MROH2A: variants seen among roughly 807,000 people sequenced by gnomAD.
The protein encoded by MROH2A is maestro heat-like repeat-containing protein family member 2A.
A neutral mutation model predicts 200.4 loss-of-function variants in MROH2A; 174 were observed. That is an observed-to-expected ratio of 0.87 (90% CI 0.77 to 0.98). The LOEUF (loss-of-function observed/expected upper bound fraction) is 0.98, where lower values mean the gene tolerates loss of function less well. Ranked by LOEUF, MROH2A falls within the 50% of genes least tolerant of loss-of-function variation. MROH2A has a pLI of 0.00. For missense variants in MROH2A, 2,045 were observed against 2,139.6 expected (o/e 0.96, Z 0.87); for synonymous variants, 829 against 840.4 (o/e 0.99, Z 0.23).
chr2:233,799,987 C>T (rs1468656742), intron 13 of MROH2A, 88 bp downstream of exon 13: 1 of 1,495,904 alleles, frequency 6.7e-7, no homozygotes, highest in African/African-American at 1.4e-5. Flanking sequence ...CTCAGCGTAC[C>T]TGTGTTCAAA....
At chr2:233,798,643 G>A (rs1472963369) in intron 11 of MROH2A, 131 bp from the exon 12 acceptor site, 1 of 670,960 alleles carries the variant, frequency 1.5e-6, no homozygotes, top group East Asian at 2.7e-5. Context: ...TGGCCAGGGA[G>A]GCTCCTAAGA....
In MROH2A at chr2:233,807,306, A is replaced by G. The variant is rs1028742448; in HGVS notation, c.2053-117A>G. On this transcript the variant is annotated intron_variant, in intron 19 of 41. Transcript: ENST00000389758. This position sits in a 1 kb window ranked among gnomAD's most constrained non-coding sequence, Gnocchi z 4.3. ...TTGTGCTGCTGTAAACGTGTGTGCA[A>G]GTATCTTCTGCACATTAAAATAAAT... 7.4e-5 allele frequency: 85 copies of G among 1,144,084 alleles called. No individual in the cohort carries two copies. The highest frequency in any genetic ancestry group is 2.7e-4 in the South Asian group (16 of 60,292). 70.9% of individuals were successfully genotyped at this position (1,144,084 alleles called of 1,614,324 possible). A position where few individuals can be genotyped will look rare whatever the true frequency, so the allele number is the denominator to read the frequency against.
chr2:233,818,593 G>A (rs76329185), intron 28 of MROH2A, 59 bp from the exon 29 acceptor site: 126 of 1,082,396 alleles, frequency 1.2e-4, no homozygotes, highest in Admixed American at 7.5e-4. Flanking sequence ...TAGCCACGAA[G>A]GGGGGGTGGC....
At chr2:233,797,338 G>A (rs1032314886) in intron 11 of MROH2A, among the ~76,000 whole-genome samples, 30 of 152,210 alleles carry the variant, frequency 2.0e-4, no homozygotes, top group African/African-American at 7.0e-4. Context: ...TTTCCCAAAA[G>A]TAATTGGACA....
chr2:233,792,727 G>T (rs1701863159), intron 5 of MROH2A, 69 bp from the exon 6 acceptor site: 4 of 986,668 alleles, frequency 4.1e-6, no homozygotes, highest in Non-Finnish European at 1.6e-6. Flanking sequence ...CAGCAGGGTT[G>T]TCCTCTCTGC....
Position 233,782,357 on chromosome 2 carries a change from T to G in MROH2A, c.276+2505T>G, listed in dbSNP as rs565846430. Among the ~76,000 whole-genome samples, 6 of 152,354 alleles carry G rather than the reference T, an allele frequency of 3.9e-5. No individual in the cohort carries two copies. The South Asian group carries it at 1.0e-3, about 26-fold the overall frequency. On this transcript the variant is annotated intron_variant, in intron 3 of 41. Coordinates refer to ENST00000389758, the MANE Select transcript of MROH2A (RefSeq NM_001394639.1). ...TGAAATAGCTTTCCATTTTTTGGTG[T>G]CTTCTTCAATTCTTTTCATCAGTGT...
intron 22 of MROH2A, among the ~76,000 whole-genome samples, chr2:233,809,873 C>G (rs1703042445): frequency 6.6e-6 from 1 of 151,048 alleles, no homozygotes; most frequent in South Asian, 2.1e-4. Context: ...TTTACAAAAC[C>G]AAAATCCTAT....
At position 233,817,308 on chromosome 2, in the gene MROH2A, A is replaced by T. The variant is rs570232361; in HGVS notation, c.2961+423A>T. On this transcript the variant is annotated intron_variant, in intron 27 of 41. Coordinates refer to ENST00000389758, the MANE Select transcript of MROH2A (RefSeq NM_001394639.1). The stretch of plus-strand genomic sequence containing the variant: ...TGACCATCTGACACAGCCTGATGAG[A>T]CTTAATTGTCTACACTTTTTGGCTC... Among the ~76,000 whole-genome samples the T allele has an allele frequency of 2.6e-5, 4 of 152,266 alleles. No individual in the cohort carries two copies. The East Asian group carries it at 7.7e-4, about 29-fold the overall frequency.
In MROH2A at chr2:233,820,739, A is replaced by G. The variant is rs1703880291; in HGVS notation, c.3512+683A>G. Among the ~76,000 whole-genome samples, 1 of 152,114 alleles carries G rather than the reference A, an allele frequency of 6.6e-6. No homozygotes were observed. The highest frequency in any genetic ancestry group is 1.5e-5 in the Non-Finnish European group (1 of 68,012). On this transcript the variant is annotated intron_variant, in intron 31 of 41. Transcript: ENST00000389758. The surrounding 1 kb of genome is among the most constrained non-coding windows in gnomAD (Gnocchi z 4.1). ...CAGTGGAGCCTGTGCTGGTGCAGGG[A>G]CGTGAGGAGATGTCAGGCTAAGTAA...
chr2:233,827,212 C>T (rs1027961725), intron 35 of MROH2A, among the ~76,000 whole-genome samples: 6 of 152,146 alleles, frequency 3.9e-5, no homozygotes, highest in African/African-American at 1.2e-4. Flanking sequence ...CCCAGCAATC[C>T]CATTACTGGG....
In MROH2A at chr2:233,822,274, C is replaced by T. The variant is rs1703995576; in HGVS notation, c.3663C>T (p.Asp1221=). The T allele has an allele frequency of 2.6e-6, 4 of 1,547,400 alleles. No homozygotes were observed. Among genetic ancestry groups the T allele is most frequent in the Non-Finnish European group, 8.7e-7 (1 of 1,146,960 alleles). ...KADIWRLAAV[D]PLMTLCTIHL... ...ACATCTGGCGCCTGGCTGCGGTGGACCCCCTGATGGTGAGTTGCAGGCGCA... is the reference window on the plus strand; with the variant it reads ...ACATCTGGCGCCTGGCTGCGGTGGATCCCCTGATGGTGAGTTGCAGGCGCA... Residue 1221 remains aspartate, a synonymous_variant, in exon 32 of 42, where the codon GAC becomes GAT. Coordinates refer to ENST00000389758, the MANE Select transcript of MROH2A (RefSeq NM_001394639.1).
intron 29 of MROH2A, 92 bp from the exon 30 acceptor site, chr2:233,819,225 A>T: frequency 1.6e-6 from 2 of 1,279,068 alleles, no homozygotes; most frequent in East Asian, 2.5e-5. Context: ...AGGAGCCTGG[A>T]GTGGGGCCAT....
At chr2:233,826,602 C>A (rs192852374) in intron 35 of MROH2A, among the ~76,000 whole-genome samples, 45 of 152,148 alleles carry the variant, frequency 3.0e-4, no homozygotes, top group Non-Finnish European at 2.9e-5. Context: ...AATGTAAAAC[C>A]CAAAACTATA....
intron 3 of MROH2A, among the ~76,000 whole-genome samples, chr2:233,787,511 T>C (rs1180859246): frequency 1.6e-5 from 2 of 125,434 alleles, no homozygotes; most frequent in Non-Finnish European, 3.2e-5. Flanking sequence ...ATATATATTA[T>C]ATATACATAT....
intron 35 of MROH2A, among the ~76,000 whole-genome samples, chr2:233,824,641 G>A (rs1576011349): frequency 6.6e-6 from 1 of 152,242 alleles, no homozygotes; most frequent in East Asian, 1.9e-4. Flanking sequence ...AAGTTACTTA[G>A]CGTCTCTGAG....
intron 35 of MROH2A, among the ~76,000 whole-genome samples, chr2:233,825,508 T>G (rs1704242864): frequency 1.3e-5 from 2 of 152,228 alleles, no homozygotes; most frequent in South Asian, 4.1e-4. Context: ...CCTAGTTTGT[T>G]GGGAGTTTTT....
chr2:233,809,112 C>G lies in MROH2A; in HGVS notation c.2296-14C>G. The G allele has an allele frequency of 1.3e-6, 2 of 1,543,316 alleles. No individual in the cohort carries two copies. The highest frequency in any genetic ancestry group is 4.9e-5 in the East Asian group (2 of 40,660). ...TGCTGCCCCCAGTGGTTCTTTTTCT[C>G]TTTGGCCTCGTAGAAGGACCATCCC... On this transcript the variant is annotated splice_polypyrimidine_tract_variant and intron_variant, in intron 21 of 41. Coordinates refer to ENST00000389758, the MANE Select transcript of MROH2A (RefSeq NM_001394639.1).
chr2:233,825,897 AAC>A (rs1447038945), intron 35 of MROH2A, among the ~76,000 whole-genome samples: 1 of 149,080 alleles, frequency 6.7e-6, no homozygotes, highest in East Asian at 1.9e-4. Flanking sequence ...AAATGGTATA[AAC>A]ACCTCTTTGT....
chr2:233,783,933 C>CT (rs539476168), intron 3 of MROH2A, among the ~76,000 whole-genome samples: 24 of 148,762 alleles, frequency 1.6e-4, no homozygotes, highest in Admixed American at 2.7e-4. Context: ...GGTCTTCACT[C>CT]TTTTTTTTTT....
Sources: allele counts gnomAD v4.1 joint callset (sites outside exome capture counted in the v4.1 genomes callset), GRCh38; gene constraint gnomAD v4.1.1; non-coding constraint Gnocchi (gnomAD v3.1); transcripts MANE v1.5; gene names NCBI Gene and HGNC (gene_info 2026-07-23, HGNC 2026-07-21).